Variants in CNTN5 observed in about 807,000 individuals in gnomAD.
The protein encoded by CNTN5 is contactin-5.
CNTN5 carries 77 observed loss-of-function variants against 129.1 expected under a neutral mutation model. The observed-to-expected ratio is 0.60, with a 90% CI of 0.50 to 0.72. CNTN5 has a LOEUF of 0.72. Among genes scored for constraint, CNTN5 ranks in the 30% least tolerant of loss-of-function variants. The pLI is 0.00. For missense variants in CNTN5, 1,478 were observed against 1,328.8 expected (o/e 1.11, Z -1.75); for synonymous variants, 509 against 465.6 (o/e 1.09, Z -1.20).
chr11:99,587,509 G>T (rs1949836258), intron 3 of CNTN5, among the ~76,000 whole-genome samples: 1 of 152,168 alleles, frequency 6.6e-6, no homozygotes. Flanking sequence ...ACAGTTTGAT[G>T]CTGTTTGCTA....
At chr11:99,037,145 C>T (rs1024113488) in intron 1 of CNTN5, among the ~76,000 whole-genome samples, 1 of 152,134 alleles carries the variant, frequency 6.6e-6, no homozygotes, top group African/African-American at 2.4e-5. Context: ...GATAAATGAG[C>T]CTGTTTTCTC....
intron 1 of CNTN5, among the ~76,000 whole-genome samples, chr11:99,082,895 C>T (rs1448311417): frequency 6.6e-5 from 10 of 152,034 alleles, no homozygotes; most frequent in Admixed American, 5.9e-4. Flanking sequence ...AAGTAAAGTA[C>T]ATTTAAATAG....
chr11:99,106,581 C>G (rs1171615199), intron 1 of CNTN5, among the ~76,000 whole-genome samples: 2 of 151,890 alleles, frequency 1.3e-5, no homozygotes, highest in Non-Finnish European at 2.9e-5. Context: ...TAAATATTTG[C>G]TTTATGATAT....
At chr11:99,339,927 T>C (rs947200607) in intron 2 of CNTN5, among the ~76,000 whole-genome samples, 2 of 151,962 alleles carry the variant, frequency 1.3e-5, no homozygotes, top group African/African-American at 4.8e-5. Context: ...AAAAAATACA[T>C]CAGTGTGAGA....
chr11:99,182,241 T>C (rs1858114196), intron 1 of CNTN5, among the ~76,000 whole-genome samples: 1 of 152,218 alleles, frequency 6.6e-6, no homozygotes, highest in Admixed American at 6.5e-5. Flanking sequence ...AATGAGCATT[T>C]GATATGGCAA....
At chr11:100,190,918 T>C (rs1229525861) in intron 13 of CNTN5, among the ~76,000 whole-genome samples, 2 of 152,124 alleles carry the variant, frequency 1.3e-5, no homozygotes, top group African/African-American at 4.8e-5. Flanking sequence ...TTGTTACTCC[T>C]TAACCTTTTT....
chr11:99,659,129 A>G (rs554893408), intron 3 of CNTN5, among the ~76,000 whole-genome samples: 1 of 152,228 alleles, frequency 6.6e-6, no homozygotes, highest in African/African-American at 2.4e-5. Flanking sequence ...ATACATGATC[A>G]TTTACTCTTT....
At chr11:99,977,091 C>G (rs568328431) in intron 8 of CNTN5, among the ~76,000 whole-genome samples, 1 of 152,274 alleles carries the variant, frequency 6.6e-6, no homozygotes, top group East Asian at 1.9e-4. Context: ...TAATTGCTCT[C>G]AAGTTCATAG....
chr11:99,461,496 C>A (rs1350674794), intron 2 of CNTN5, among the ~76,000 whole-genome samples: 1 of 152,106 alleles, frequency 6.6e-6, no homozygotes, highest in African/African-American at 2.4e-5. Flanking sequence ...TAAAAAAAAT[C>A]TGTAGAATAC....
chr11:100,001,174 T>G (rs1329874967), intron 8 of CNTN5, among the ~76,000 whole-genome samples: 3 of 152,122 alleles, frequency 2.0e-5, no homozygotes, highest in Non-Finnish European at 4.4e-5. Flanking sequence ...TTCTACCACA[T>G]GAAAAGGACT....
At chr11:99,808,943 A>T (rs1261453979) in intron 3 of CNTN5, among the ~76,000 whole-genome samples, 1 of 152,140 alleles carries the variant, frequency 6.6e-6, no homozygotes, top group Non-Finnish European at 1.5e-5. Context: ...GATTATAAGC[A>T]TAGGGTTTTC....
In CNTN5 at chr11:100,029,122, G is replaced by T. The variant is rs575510392; in HGVS notation, c.980+26986G>T. ...CATTAGTTTTTCTGCCTTAACGGCT[G>T]TTGGAAAAACATACATGTGATTCAG... On this transcript the variant is annotated intron_variant, in intron 9 of 24. Coordinates refer to ENST00000524871, the MANE Select transcript of CNTN5 (RefSeq NM_014361.4). Among the ~76,000 whole-genome samples, 4 of 151,340 alleles carry T rather than the reference G, an allele frequency of 2.6e-5. No individual in the cohort carries two copies. In the East Asian group the frequency reaches 7.8e-4, roughly 30 times the overall value.
intron 13 of CNTN5, among the ~76,000 whole-genome samples, chr11:100,123,655 A>G (rs2138175676): frequency 6.6e-6 from 1 of 152,194 alleles, no homozygotes. Context: ...CTGCAACTCA[A>G]AATGCTTTGA....
chr11:99,577,382 T>A (rs946662705), intron 3 of CNTN5, among the ~76,000 whole-genome samples: 23 of 152,262 alleles, frequency 1.5e-4, no homozygotes, highest in Admixed American at 1.3e-3. Context: ...GAAAATAAAT[T>A]GAGAGTACAT....
chr11:99,499,373 G>T (rs1333175006), intron 2 of CNTN5, among the ~76,000 whole-genome samples: 2 of 152,002 alleles, frequency 1.3e-5, no homozygotes, highest in Non-Finnish European at 2.9e-5. Context: ...TAAGATTAAG[G>T]CCCTTAAGAA....
rs1454938158 is a variant in CNTN5 at position 99,277,477 on chromosome 11, T to C, written c.-209-47869T>C. 9.2e-5 allele frequency among the ~76,000 whole-genome samples: 14 copies of C among 151,748 alleles called. 1 individual carries two copies. The Admixed American group carries it at 9.2e-4, about 10-fold the overall frequency. ...TTTAGAAGCCTTGCTCTCTTTGTCA[T>C]TACCAGACTGCTATGTAAAGACCAG... On this transcript the variant is annotated intron_variant, in intron 1 of 24. Transcript: ENST00000524871.
chr11:100,344,912 C>A (rs1952245189), intron 23 of CNTN5, among the ~76,000 whole-genome samples: 2 of 151,758 alleles, frequency 1.3e-5, no homozygotes, highest in Non-Finnish European at 2.9e-5. Context: ...TTGCCATTTT[C>A]CATGGAATAT....
At chr11:100,285,488 T>C (rs568942157) in intron 18 of CNTN5, among the ~76,000 whole-genome samples, 4 of 152,310 alleles carry the variant, frequency 2.6e-5, no homozygotes, top group African/African-American at 9.6e-5. Flanking sequence ...GGCCTTCCCA[T>C]GATGCCTTTT....
chr11:100,198,213 A>G (rs1948695134), intron 15 of CNTN5, among the ~76,000 whole-genome samples: 1 of 152,028 alleles, frequency 6.6e-6, no homozygotes, highest in African/African-American at 2.4e-5. Context: ...AAGATAATGC[A>G]AGACATTAAG....
Sources: gnomAD v4.1 joint callset for allele counts (sites outside exome capture counted in the v4.1 genomes callset) on GRCh38, gnomAD v4.1.1 for gene constraint, MANE v1.5 for transcripts, NCBI Gene and HGNC (gene_info 2026-07-23, HGNC 2026-07-21) for gene names.